SIK3: variants seen among roughly 807,000 people sequenced by gnomAD.
The protein encoded by SIK3 is serine/threonine-protein kinase SIK3.
A neutral mutation model predicts 144.2 loss-of-function variants in SIK3; 28 were observed. The ratio of observed to expected loss-of-function variants is 0.19; its 90% CI spans 0.14 to 0.27. The LOEUF is 0.27. Ranked by LOEUF, SIK3 falls within the 10% of genes least tolerant of loss-of-function variation. The pLI is 1.00. For missense variants in SIK3, 1,319 were observed against 1,776.0 expected (o/e 0.74, Z 4.62); for synonymous variants, 686 against 676.3 (o/e 1.01, Z -0.22).
intron 1 of SIK3, among the ~76,000 whole-genome samples, chr11:117,013,946 G>T (rs1462113789): frequency 3.3e-5 from 2 of 60,486 alleles, no homozygotes; most frequent in Non-Finnish European, 8.9e-5. Context: ...GTGTGTGTGT[G>T]TGTGTTTTAT....
intron 1 of SIK3, among the ~76,000 whole-genome samples, chr11:117,056,849 T>C (rs1275656179): frequency 1.3e-5 from 2 of 152,046 alleles, no homozygotes; most frequent in Non-Finnish European, 2.9e-5. Flanking sequence ...AAATGAAAAA[T>C]GGAAGGAACT....
rs145898726 is a variant in SIK3 at position 117,087,711 on chromosome 11, C to G, written c.273+10432G>C. On this transcript the variant is annotated intron_variant, in intron 1 of 24. Coordinates refer to ENST00000445177, the MANE Select transcript of SIK3 (RefSeq NM_001366686.3). ...GCTCAGGAGGTTAATTCTAGTGCAG[C>G]CTTTCTGGAAAGCAATGTGGCAATA... Among the ~76,000 whole-genome samples, 9 of 152,256 alleles carry G rather than the reference C, an allele frequency of 5.9e-5. No homozygotes were observed. In the East Asian group the frequency reaches 1.2e-3, roughly 20 times the overall value.
intron 22 of SIK3, 128 bp downstream of exon 22, chr11:116,848,992 C>A: frequency 9.2e-7 from 1 of 1,088,176 alleles, no homozygotes; most frequent in Non-Finnish European, 1.3e-6. Flanking sequence ...ATGCTCCCCA[C>A]CGTTTCCAGA....
chr11:116,868,069 T>C lies in SIK3; in HGVS notation c.1829A>G (p.Lys610Arg). The C allele has an allele frequency of 6.4e-7, 1 of 1,550,650 alleles. No individual in the cohort carries two copies. Among genetic ancestry groups the C allele is most frequent in the Non-Finnish European group, 8.7e-7 (1 of 1,147,006 alleles). ...AVQRYLANRS[K>R]RHTLAMTNPT... ...GTTGGTCATGGCCAGTGTATGTCTT[T>C]TGGACCTATTTGCCAAGTACCTGCA... Residue 610 changes from lysine (K) to arginine (R), a missense_variant, in exon 15 of 25, where the codon AAA becomes AGA. Physicochemically the swap from Lys to Arg is conservative, Grantham distance 26. Transcript: ENST00000445177.
At chr11:116,862,556 G>C (rs112352791) in intron 16 of SIK3, among the ~76,000 whole-genome samples, 1 of 152,214 alleles carries the variant, frequency 6.6e-6, no homozygotes, top group Non-Finnish European at 1.5e-5. Context: ...CTTTGTATGA[G>C]TACAAGTGTC....
chr11:116,947,531 A>ATGTATGTATGTATG lies in SIK3; in HGVS notation c.454+6512_454+6513insCATACATACATACA, dbSNP rs1555107760. Among the ~76,000 whole-genome samples, 401 of 124,942 alleles carry ATGTATGTATGTATG rather than the reference A, an allele frequency of 3.2e-3. 1 individual carries two copies. Among genetic ancestry groups the ATGTATGTATGTATG allele is most frequent in the African/African-American group, 8.1e-3 (270 of 33,386 alleles). 82.0% of individuals were successfully genotyped at this position (124,942 alleles called of 152,430 possible). A position where few individuals can be genotyped will look rare whatever the true frequency, so the allele number is the denominator to read the frequency against. ...TTTAGCTAGGGAAATATATATATATATATGTATGTATGTATGTATGTATGT... is the reference window on the plus strand; with the variant it reads ...TTTAGCTAGGGAAATATATATATATATGTATGTATGTATGTATGTATGTATGTATGTATGTATGT... On this transcript the variant is annotated intron_variant, in intron 3 of 24. Coordinates refer to ENST00000445177, the MANE Select transcript of SIK3 (RefSeq NM_001366686.3).
intron 4 of SIK3, among the ~76,000 whole-genome samples, chr11:116,918,693 C>A (rs573369261): frequency 6.6e-6 from 1 of 152,082 alleles, no homozygotes; most frequent in Non-Finnish European, 1.5e-5. Flanking sequence ...CTTCAGTGTT[C>A]CAAGATATAC....
intron 2 of SIK3, 105 bp from the exon 3 acceptor site, chr11:116,954,212 C>T: frequency 1.3e-6 from 1 of 799,626 alleles, no homozygotes; most frequent in South Asian, 1.7e-5. Context: ...TTAATAACCA[C>T]TATAGATTAA....
rs1252224577 is a variant in SIK3 at position 116,989,408 on chromosome 11, C to T, written c.274-32344G>A. On this transcript the variant is annotated intron_variant, in intron 1 of 24. Transcript: ENST00000445177. ...CACAACCTTGCAATTTAGTACTCTGCCACTCTGCCTCTTGAAAATAAGCAA... is the reference window on the plus strand; with the variant it reads ...CACAACCTTGCAATTTAGTACTCTGTCACTCTGCCTCTTGAAAATAAGCAA... Among the ~76,000 whole-genome samples, 13 of 152,282 alleles carry T rather than the reference C, an allele frequency of 8.5e-5. No individual in the cohort carries two copies. The East Asian group carries it at 1.3e-3, about 16-fold the overall frequency.
At chr11:116,919,812 A>G (rs2135054518) in intron 4 of SIK3, among the ~76,000 whole-genome samples, 1 of 152,312 alleles carries the variant, frequency 6.6e-6, no homozygotes, top group African/African-American at 2.4e-5. Flanking sequence ...ATATCTTTCA[A>G]AATTCCCTCT....
At chr11:116,943,796 C>G (rs1047914342) in intron 3 of SIK3, among the ~76,000 whole-genome samples, 1 of 152,010 alleles carries the variant, frequency 6.6e-6, no homozygotes, top group African/African-American at 2.4e-5. Flanking sequence ...TATTTTAACT[C>G]TGAAATTCTA....
chr11:117,027,563 A>G (rs544374468), intron 1 of SIK3, among the ~76,000 whole-genome samples: 1 of 152,188 alleles, frequency 6.6e-6, no homozygotes, highest in Non-Finnish European at 1.5e-5. Flanking sequence ...TCCAGGTTCA[A>G]GCAATCCTCC....
intron 6 of SIK3, among the ~76,000 whole-genome samples, chr11:116,891,852 A>T (rs1251987072): frequency 6.6e-6 from 1 of 152,136 alleles, no homozygotes; most frequent in African/African-American, 2.4e-5. Flanking sequence ...AGATGATAGT[A>T]TGGTCTTAGA....
chr11:116,908,999 G>A (rs1946199430), intron 4 of SIK3, among the ~76,000 whole-genome samples: 1 of 152,148 alleles, frequency 6.6e-6, no homozygotes, highest in African/African-American at 2.4e-5. Context: ...GAAAGCAATA[G>A]GGGCTTCTGC....
intron 1 of SIK3, among the ~76,000 whole-genome samples, chr11:117,003,347 G>A (rs1212902454): frequency 1.3e-5 from 2 of 152,140 alleles, no homozygotes; most frequent in Non-Finnish European, 2.9e-5. Flanking sequence ...ATCTGGTTTG[G>A]AATTCAAGCT....
chr11:117,064,091 G>T (rs1343130329), intron 1 of SIK3, among the ~76,000 whole-genome samples: 1 of 152,122 alleles, frequency 6.6e-6, no homozygotes, highest in Non-Finnish European at 1.5e-5. Flanking sequence ...ATTCACAGAG[G>T]CTGCTCAGGA....
rs536518702 is a variant in SIK3 at position 116,957,067 on chromosome 11, G to A, written c.274-3C>T. ...TTATCTATGATCTTGATAGCAACCT[G>A]ACAACAGAGGGAAAAAAATTACTCT... is the stretch of plus-strand genomic sequence containing the variant. On this transcript the variant is annotated splice_polypyrimidine_tract_variant and splice_region_variant and intron_variant, in intron 1 of 24. Transcript: ENST00000445177. 8.4e-6 allele frequency: 13 copies of A among 1,556,050 alleles called. No individual in the cohort carries two copies. The South Asian group carries it at 1.6e-4, about 19-fold the overall frequency.
intron 1 of SIK3, among the ~76,000 whole-genome samples, chr11:116,972,391 A>C (rs1263113118): frequency 6.6e-6 from 1 of 152,228 alleles, no homozygotes; most frequent in African/African-American, 2.4e-5. Flanking sequence ...GATGACTGAC[A>C]GCATCAGACT....
chr11:116,977,906 T>C (rs1950004797), intron 1 of SIK3, among the ~76,000 whole-genome samples: 1 of 152,332 alleles, frequency 6.6e-6, no homozygotes. Context: ...TGCAAGAGCA[T>C]GTACCAAAAG....
Sources: gnomAD v4.1 joint callset for allele counts (sites outside exome capture counted in the v4.1 genomes callset) on GRCh38, gnomAD v4.1.1 for gene constraint, MANE v1.5 for transcripts, NCBI Gene and HGNC (gene_info 2026-07-23, HGNC 2026-07-21) for gene names.